RAB10: variants seen among roughly 807,000 people sequenced by gnomAD.
RAB10 encodes the protein ras-related protein Rab-10.
In RAB10, 5 loss-of-function variants were observed where a neutral mutation model predicts 25.7. That is an observed-to-expected ratio of 0.19 (90% CI 0.10 to 0.41). RAB10 has a LOEUF of 0.41. RAB10 is among the 10% of genes least tolerant of loss of function. The pLI is 1.00. For synonymous variants in RAB10, 89 were observed against 86.4 expected (o/e 1.03, Z -0.16); for missense variants, 103 against 245.8 (o/e 0.42, Z 3.89).
chr2:26,071,847 A>G (rs1666633051), intron 1 of RAB10, among the ~76,000 whole-genome samples: 1 of 152,202 alleles, frequency 6.6e-6, no homozygotes, highest in South Asian at 2.1e-4. Context: ...AGCCTGGGTG[A>G]CAGAGCAAGA....
intron 1 of RAB10, among the ~76,000 whole-genome samples, chr2:26,083,961 C>T (rs1666923574): frequency 6.6e-6 from 1 of 152,138 alleles, no homozygotes; most frequent in South Asian, 2.1e-4. Flanking sequence ...TGGAAAACTA[C>T]AAAATATCGC....
chr2:26,089,357 A>G (rs1667055796), intron 1 of RAB10, among the ~76,000 whole-genome samples: 1 of 148,750 alleles, frequency 6.7e-6, no homozygotes, highest in South Asian at 2.2e-4. Flanking sequence ...CAGGAGGTGG[A>G]GGTTGGAGTG....
intron 2 of RAB10, among the ~76,000 whole-genome samples, chr2:26,107,976 T>A (rs1667500756): frequency 6.6e-6 from 1 of 152,136 alleles, no homozygotes; most frequent in African/African-American, 2.4e-5. Context: ...CTATGTGCCC[T>A]CTTAGAACTA....
At chr2:26,079,583 G>A (rs1290693024) in intron 1 of RAB10, among the ~76,000 whole-genome samples, 1 of 150,862 alleles carries the variant, frequency 6.6e-6, no homozygotes, top group Admixed American at 6.6e-5. Flanking sequence ...TGAGGTAGCA[G>A]TAAAGACACT....
chr2:26,120,825 C>G (rs547704135), intron 3 of RAB10, among the ~76,000 whole-genome samples: 3 of 152,096 alleles, frequency 2.0e-5, no homozygotes. Context: ...CTCCTGACCT[C>G]GTGATCCGCC....
chr2:26,076,216 CAG>C (rs5829996), intron 1 of RAB10, among the ~76,000 whole-genome samples: 113,418 of 151,896 alleles, frequency 0.75, 42,556 homozygotes, highest in East Asian at 0.87. Flanking sequence ...GTGGGGAAAA[CAG>C]AGACCTGGAG....
At chr2:26,046,058 C>T (rs1293406951) in intron 1 of RAB10, among the ~76,000 whole-genome samples, 1 of 152,194 alleles carries the variant, frequency 6.6e-6, no homozygotes, top group Non-Finnish European at 1.5e-5. Flanking sequence ...GGTGCGGTGG[C>T]TCACGCCTGT....
intron 1 of RAB10, among the ~76,000 whole-genome samples, chr2:26,061,092 C>CTTTTTTTTTTTTTTTTTTTTTT (rs5829993): frequency 9.6e-4 from 80 of 83,642 alleles, no homozygotes; most frequent in Middle Eastern, 0.01. Flanking sequence ...TTATCTCTGT[C>CTTTTTTTTTTTTTTTTTTTTTT]TTTTTTTTTT....
At chr2:26,053,901 G>C (rs1666189725) in intron 1 of RAB10, among the ~76,000 whole-genome samples, 1 of 150,996 alleles carries the variant, frequency 6.6e-6, no homozygotes, top group Non-Finnish European at 1.5e-5. Flanking sequence ...TGTATTTTTA[G>C]TAGAGACAGG....
chr2:26,085,480 CTG>C (rs1239181485), intron 1 of RAB10, among the ~76,000 whole-genome samples: 1 of 143,958 alleles, frequency 6.9e-6, no homozygotes, highest in African/African-American at 2.6e-5. Context: ...CAGAGCAAGA[CTG>C]TGTCTCAAAA....
At chr2:26,053,052 A>G (rs893219393) in intron 1 of RAB10, among the ~76,000 whole-genome samples, 10 of 152,110 alleles carry the variant, frequency 6.6e-5, no homozygotes, top group African/African-American at 2.2e-4. Flanking sequence ...AAAAGTTTAT[A>G]TTTCTTGTTT....
intron 1 of RAB10, among the ~76,000 whole-genome samples, chr2:26,096,398 G>C (rs947222565): frequency 2.1e-5 from 3 of 143,030 alleles, no homozygotes; most frequent in African/African-American, 5.3e-5. Flanking sequence ...GGGTGGGTGG[G>C]CGGATGGATG....
At chr2:26,084,882 T>C (rs555009993) in intron 1 of RAB10, among the ~76,000 whole-genome samples, 1 of 152,186 alleles carries the variant, frequency 6.6e-6, no homozygotes, top group Non-Finnish European at 1.5e-5. Flanking sequence ...AACCTAACTT[T>C]TCTTATAAGC....
In RAB10 at chr2:26,034,760, A is replaced by G. The variant is rs370378692; in HGVS notation, c.127+25A>G. On this transcript the variant is annotated intron_variant, in intron 1 of 5. Transcript: ENST00000264710. ...GGTAAGACCTGTGGGAGGACGGTGT[A>G]CGGTCTCGGTAGCTGCATACCGTTT... The G allele has an allele frequency of 4.3e-6, 7 of 1,613,710 alleles. No homozygotes were observed. In the African/African-American group the frequency reaches 9.4e-5, roughly 22 times the overall value.
intron 1 of RAB10, among the ~76,000 whole-genome samples, chr2:26,047,980 C>CCTTGGT (rs887194458): frequency 1.3e-5 from 2 of 151,868 alleles, no homozygotes; most frequent in African/African-American, 4.8e-5. Flanking sequence ...CCGGCCTCGG[C>CCTTGGT]CTTGGCCTCC....
In RAB10 at chr2:26,064,538, G is replaced by A. The variant is rs573560385; in HGVS notation, c.127+29803G>A. On this transcript the variant is annotated intron_variant, in intron 1 of 5. Coordinates refer to ENST00000264710, the MANE Select transcript of RAB10 (RefSeq NM_016131.5). ...TTTTCATTTTTTGTAGAGATGGGGTGTACACCATGTTGCCCAGGGTGGTCT... is the reference window on the plus strand; with the variant it reads ...TTTTCATTTTTTGTAGAGATGGGGTATACACCATGTTGCCCAGGGTGGTCT... Among the ~76,000 whole-genome samples the A allele has an allele frequency of 2.7e-3, 405 of 151,968 alleles. 2 individuals carry two copies. Among genetic ancestry groups the A allele is most frequent in the African/African-American group, 8.0e-3 (333 of 41,414 alleles).
rs199854804 is a variant in RAB10 at position 26,108,877 on chromosome 2, T to TTATA, written c.189-889_189-886dup. Among the ~76,000 whole-genome samples the TTATA allele has an allele frequency of 8.7e-5, 11 of 127,046 alleles. No individual in the cohort carries two copies. The South Asian group carries it at 2.9e-3, about 33-fold the overall frequency. 83.3% of individuals were successfully genotyped at this position (127,046 alleles called of 152,430 possible). A position where few individuals can be genotyped will look rare whatever the true frequency, so the allele number is the denominator to read the frequency against. The stretch of plus-strand genomic sequence containing the variant: ...AGGGTTGAGATTGGGGTCTTTTGCT[T>TTATA]TATATTTATTTATTTATTTATTTAT... On this transcript the variant is annotated intron_variant, in intron 2 of 5. Coordinates refer to ENST00000264710, the MANE Select transcript of RAB10 (RefSeq NM_016131.5).
intron 1 of RAB10, among the ~76,000 whole-genome samples, chr2:26,053,494 C>G (rs530081645): frequency 3.6e-4 from 55 of 152,222 alleles, no homozygotes; most frequent in African/African-American, 1.2e-3. Flanking sequence ...GCAAGTGATT[C>G]GGCAAATTCA....
chr2:26,082,492 C>T (rs1453888886), intron 1 of RAB10, among the ~76,000 whole-genome samples: 1 of 151,968 alleles, frequency 6.6e-6, no homozygotes, highest in Admixed American at 6.6e-5. Context: ...TATCAAAATA[C>T]TTGAGGCAAA....
Sources: gnomAD v4.1 joint callset for allele counts (sites outside exome capture counted in the v4.1 genomes callset) on GRCh38, gnomAD v4.1.1 for gene constraint, MANE v1.5 for transcripts, NCBI Gene and HGNC (gene_info 2026-07-23, HGNC 2026-07-21) for gene names.